The following TCF4 variants were observed in gnomAD, a reference collection of about 807,000 sequenced individuals.
The protein encoded by TCF4 is SL3-3 enhancer factor 2.
Under a neutral mutation model 82.1 loss-of-function variants are expected in TCF4, and 3 were observed. That is an observed-to-expected ratio of 0.04 (90% CI 0.02 to 0.09). The LOEUF is 0.09. TCF4 is among the 10% of genes least tolerant of loss of function. The probability of loss-of-function intolerance (pLI) is 1.00; values close to 1 mark genes in which losing one functional copy is unlikely to be tolerated. For missense variants in TCF4, 518 were observed against 852.7 expected (o/e 0.61, Z 4.89); for synonymous variants, 276 against 309.6 (o/e 0.89, Z 1.14).
In TCF4 at chr18:55,587,080, C is replaced by T; in HGVS notation, c.37G>A (p.Asp13Asn). 6.2e-7 allele frequency: 1 copy of T among 1,613,678 alleles called. No individual in the cohort carries two copies. Among genetic ancestry groups the T allele is most frequent in the Non-Finnish European group, 8.5e-7 (1 of 1,179,932 alleles). Residue 13 changes from aspartate (D) to asparagine (N), a missense_variant, in exon 2 of 20, where the codon GAC becomes AAC. Around this residue, in one of 7 missense-constraint regions of TCF4, gnomAD observed 19 missense variants for 54.5 expected, o/e 0.35. Coordinates refer to ENST00000354452, the MANE Select transcript of TCF4 (RefSeq NM_001083962.2). ...TCCAGTAAATCACTCAGCTCTTTGT[C>T]CGTCCCTAAGGCAGCCATTCGCTGT... The part of the protein sequence containing the change: ...HQQRMAALGT[D>N]KELSDLLDFS...
intron 8 of TCF4, among the ~76,000 whole-genome samples, chr18:55,323,572 T>TG (rs1264421787): frequency 6.6e-6 from 1 of 152,234 alleles, no homozygotes. Flanking sequence ...AAACAGTACT[T>TG]GAATTATAAT....
At chr18:55,468,487 C>A (rs553512720) in intron 3 of TCF4, among the ~76,000 whole-genome samples, 2 of 152,142 alleles carry the variant, frequency 1.3e-5, no homozygotes, top group Non-Finnish European at 2.9e-5. Flanking sequence ...ACAGTAGGCA[C>A]AATGATAAAA....
At chr18:55,627,401 A>G (rs548889361) in intron 2 of TCF4, among the ~76,000 whole-genome samples, 18 of 152,292 alleles carry the variant, frequency 1.2e-4, no homozygotes, top group Non-Finnish European at 1.6e-4. Flanking sequence ...AGATGTCCCA[A>G]TAATGGCTTC....
Position 55,234,586 on chromosome 18 carries a change from G to T in TCF4, c.1448C>A (p.Thr483Asn). The T allele has an allele frequency of 6.2e-7, 1 of 1,614,152 alleles. No homozygotes were observed. Among genetic ancestry groups the T allele is most frequent in the Non-Finnish European group, 8.5e-7 (1 of 1,180,008 alleles). ...PVPQLPVQSA[T>N]SPDLNPPQDP... ...CTGGGGTGGGTTCAGGTCAGGGGAAGTCGCAGACTGGACAGGAAGCTGTGG... is the reference window on the plus strand; with the variant it reads ...CTGGGGTGGGTTCAGGTCAGGGGAATTCGCAGACTGGACAGGAAGCTGTGG... Residue 483 changes from threonine (T) to asparagine (N), a missense_variant, in exon 16 of 20, where the codon ACT (threonine) becomes AAT (asparagine). Transcript: ENST00000354452.
At chr18:55,403,610 T>G in intron 5 of TCF4, 92 bp from the exon 6 acceptor site, 1 of 1,612,300 alleles carries the variant, frequency 6.2e-7, no homozygotes, top group Non-Finnish European at 8.5e-7. Flanking sequence ...TCTTCCCCGA[T>G]GTTTACATAC....
At chr18:55,403,911 A>C in intron 5 of TCF4, 2 of 1,423,740 alleles carry the variant, frequency 1.4e-6, no homozygotes, top group South Asian at 3.0e-5. Flanking sequence ...GATTATATTG[A>C]CACTTAATAG....
intron 5 of TCF4, among the ~76,000 whole-genome samples, chr18:55,434,367 A>G (rs12958048): frequency 0.57 from 85,869 of 151,150 alleles, 26,057 homozygotes; most frequent in Non-Finnish European, 0.67. Flanking sequence ...CAAAACTTCA[A>G]GGAAGAATTC....
At chr18:55,418,630 G>A (rs2094606884) in intron 5 of TCF4, among the ~76,000 whole-genome samples, 1 of 151,998 alleles carries the variant, frequency 6.6e-6, no homozygotes, top group Non-Finnish European at 1.5e-5. Context: ...TTCTGAATAT[G>A]AGAAAAAAGG....
chr18:55,255,584 G>A lies in TCF4; in HGVS notation c.1147-884C>T, dbSNP rs532605293. On this transcript the variant is annotated intron_variant, in intron 14 of 19. Transcript: ENST00000354452. ...AAGGTATGTATTCATTTTAAAAACT[G>A]ATCAATAATGATATCAAATACCACT... Among the ~76,000 whole-genome samples, 91 of 152,198 alleles carry A rather than the reference G, an allele frequency of 6.0e-4. 1 individual carries two copies. Among genetic ancestry groups the A allele is most frequent in the Non-Finnish European group, 2.6e-4 (18 of 67,992 alleles).
intron 1 of TCF4, among the ~76,000 whole-genome samples, chr18:55,632,070 G>A (rs1361552360): frequency 1.3e-5 from 2 of 151,928 alleles, no homozygotes; most frequent in Non-Finnish European, 2.9e-5. Context: ...ACGTAGTCTC[G>A]CTCTGTGGCC....
At chr18:55,416,821 C>T (rs866193022) in intron 5 of TCF4, among the ~76,000 whole-genome samples, 6 of 152,138 alleles carry the variant, frequency 3.9e-5, no homozygotes, top group African/African-American at 9.7e-5. Context: ...AGGCCAGTGA[C>T]GGGGATAATG....
Position 55,227,692 on chromosome 18 carries a change from AAAG to A in TCF4, c.*340_*342del, listed in dbSNP as rs1245541134. The A allele has an allele frequency of 6.6e-6, 1 of 152,228 alleles. No homozygotes were observed. Among genetic ancestry groups the A allele is most frequent in the Admixed American group, 6.6e-5 (1 of 15,242 alleles). The allele number at this position is 152,228 out of a possible 1,614,324, so 9.4% of individuals were successfully genotyped here. A position where few individuals can be genotyped will look rare whatever the true frequency, so the allele number is the denominator to read the frequency against. ...AAATTAATTATATTTTTTTTTTCCA[AAAG>A]AAGTTTAGGCACAAATGCATTGTTC... On this transcript the variant is annotated 3_prime_UTR_variant, in exon 20 of 20. Coordinates refer to ENST00000354452, the MANE Select transcript of TCF4 (RefSeq NM_001083962.2).
intron 3 of TCF4, among the ~76,000 whole-genome samples, chr18:55,486,141 G>A (rs2096511139): frequency 6.6e-6 from 1 of 152,158 alleles, no homozygotes; most frequent in Admixed American, 6.5e-5. Flanking sequence ...TCAAAATTTA[G>A]TTGAAGAGAC....
In TCF4 at chr18:55,526,857, C is replaced by A. The variant is rs117815031; in HGVS notation, c.145+58423G>T. On this transcript the variant is annotated intron_variant, in intron 3 of 19. Transcript: ENST00000354452. ...GCTGGGTCACAAAATCCTCTTGCTACCCAGATAAGCTCCACAGATGCTTTC... is the reference window on the plus strand; with the variant it reads ...GCTGGGTCACAAAATCCTCTTGCTAACCAGATAAGCTCCACAGATGCTTTC... 8.4e-3 allele frequency among the ~76,000 whole-genome samples: 1,286 copies of A among 152,192 alleles called. 9 individuals are homozygous for A. Among genetic ancestry groups the A allele is most frequent in the Non-Finnish European group, 0.013 (918 of 68,004 alleles).
intron 3 of TCF4, among the ~76,000 whole-genome samples, chr18:55,534,030 G>C (rs2097093580): frequency 6.6e-6 from 1 of 152,116 alleles, no homozygotes; most frequent in African/African-American, 2.4e-5. Context: ...GGCAACTTTG[G>C]GGTGAGAACC....
intron 6 of TCF4, among the ~76,000 whole-genome samples, chr18:55,366,072 A>G (rs987126107): frequency 2.6e-5 from 4 of 152,164 alleles, no homozygotes; most frequent in Non-Finnish European, 5.9e-5. Context: ...TCTTTATTTT[A>G]TAATTCTAAA....
rs1569192843 is a variant in TCF4, at chr18:55,362,438, A to AGGAAGGAAGGAAGGAAGG, written c.370-11436_370-11435insCCTTCCTTCCTTCCTTCC. On this transcript the variant is annotated intron_variant, in intron 6 of 19. Coordinates refer to ENST00000354452, the MANE Select transcript of TCF4 (RefSeq NM_001083962.2). The stretch of plus-strand genomic sequence containing the variant: ...GGAAGGAAGGAAGGAAGGAAGGAAA[A>AGGAAGGAAGGAAGGAAGG]AAAAAAAGAAGAAAACATGTATCTG... Among the ~76,000 whole-genome samples the AGGAAGGAAGGAAGGAAGG allele has an allele frequency of 2.3e-4, 29 of 124,632 alleles. 1 individual carries two copies. The highest frequency in any genetic ancestry group is 9.8e-4 in the African/African-American group (28 of 28,462). 81.8% of individuals were successfully genotyped at this position (124,632 alleles called of 152,430 possible).
chr18:55,542,644 T>C lies in TCF4; in HGVS notation c.145+42636A>G, dbSNP rs568087374. The stretch of plus-strand genomic sequence containing the variant: ...ATTTAGATTTTTACCCTCCTACAGA[T>C]AGAACAATAGCCAACACACACACAC... On this transcript the variant is annotated intron_variant, in intron 3 of 19. Coordinates refer to ENST00000354452, the MANE Select transcript of TCF4 (RefSeq NM_001083962.2). Among the ~76,000 whole-genome samples, 5 of 152,064 alleles carry C rather than the reference T, an allele frequency of 3.3e-5. No homozygotes were observed. The East Asian group carries it at 5.8e-4, about 18-fold the overall frequency.
chr18:55,557,106 A>G (rs1210254168), intron 3 of TCF4, among the ~76,000 whole-genome samples: 1 of 152,218 alleles, frequency 6.6e-6, no homozygotes, highest in Non-Finnish European at 1.5e-5. Flanking sequence ...TCATATCGGT[A>G]TGTGTAATTC....
Sources: allele counts gnomAD v4.1 joint callset (sites outside exome capture counted in the v4.1 genomes callset), GRCh38; gene constraint gnomAD v4.1.1; regional missense constraint gnomAD v4.1.1; transcripts MANE v1.5; gene names NCBI Gene and HGNC (gene_info 2026-07-23, HGNC 2026-07-21).